ANKFN1: variants seen among roughly 807,000 people sequenced by gnomAD.
The protein encoded by ANKFN1 is ankyrin repeat and fibronectin type-III domain-containing protein 1.
ANKFN1 carries 74 observed loss-of-function variants against 108.7 expected under a neutral mutation model. The ratio of observed to expected loss-of-function variants is 0.68; its 90% CI spans 0.56 to 0.83. The LOEUF is 0.83. Among genes scored for constraint, ANKFN1 ranks in the 40% least tolerant of loss-of-function variants. The pLI, the probability that ANKFN1 is intolerant of heterozygous loss-of-function variation, is 0.00. For synonymous variants in ANKFN1, 547 were observed against 516.2 expected (o/e 1.06, Z -0.81); for missense variants, 1,505 against 1,382.3 (o/e 1.09, Z -1.41).
At position 56,492,051 on chromosome 17, in the gene ANKFN1, T is replaced by C. The variant is rs565958835; in HGVS notation, c.2261-136T>C. 3.7e-4 allele frequency: 219 copies of C among 590,074 alleles called. No homozygotes were observed. In the South Asian group the frequency reaches 4.0e-3, roughly 11 times the overall value. 36.6% of individuals were successfully genotyped at this position (590,074 alleles called of 1,614,324 possible). ...GGCCCCTTAAGAGCACATTTATAAT[T>C]TATTTATGGCTTAATATTTTCCACT... On this transcript the variant is annotated intron_variant, in intron 18 of 20. Coordinates refer to ENST00000682825, the MANE Select transcript of ANKFN1 (RefSeq NM_001370326.1).
At chr17:56,336,516 A>G (rs1403421182) in intron 4 of ANKFN1, among the ~76,000 whole-genome samples, 1 of 152,126 alleles carries the variant, frequency 6.6e-6, no homozygotes, top group Non-Finnish European at 1.5e-5. Context: ...AGAAGCGTTT[A>G]TAGTATTCTC....
At position 56,326,203 on chromosome 17, in the gene ANKFN1, A is replaced by G. The variant is rs1567915250; in HGVS notation, c.54-18A>G. 6.2e-7 allele frequency: 1 copy of G among 1,603,862 alleles called. No individual in the cohort carries two copies. Among genetic ancestry groups the G allele is most frequent in the East Asian group, 2.2e-5 (1 of 44,766 alleles). On this transcript the variant is annotated intron_variant, in intron 3 of 20. Transcript: ENST00000682825. ...TCTTGCCTGTAGTGATCCTGTTCGCATTTTATTCTTTACACAGAATAGGAA... is the reference window on the plus strand; with the variant it reads ...TCTTGCCTGTAGTGATCCTGTTCGCGTTTTATTCTTTACACAGAATAGGAA...
chr17:56,286,758 A>C (rs1459046591), intron 3 of ANKFN1, among the ~76,000 whole-genome samples: 1 of 152,206 alleles, frequency 6.6e-6, no homozygotes, highest in Non-Finnish European at 1.5e-5. Context: ...AAGAGCAAAG[A>C]ACATTCGACT....
intron 4 of ANKFN1, among the ~76,000 whole-genome samples, chr17:56,058,286 T>G (rs1904915121): frequency 6.6e-6 from 1 of 152,230 alleles, no homozygotes; most frequent in Non-Finnish European, 1.5e-5. Context: ...GGCTGTTTCA[T>G]CTGCATGGAA....
intron 14 of ANKFN1, among the ~76,000 whole-genome samples, chr17:56,461,679 A>G (rs2049907885): frequency 6.6e-6 from 1 of 152,104 alleles, no homozygotes; most frequent in Admixed American, 6.6e-5. Context: ...TATTACTTGT[A>G]TTATTATCTG....
At chr17:56,463,451 G>A (rs771710817) in intron 14 of ANKFN1, among the ~76,000 whole-genome samples, 1 of 152,056 alleles carries the variant, frequency 6.6e-6, no homozygotes, top group Non-Finnish European at 1.5e-5. Context: ...AAAAGAAAAA[G>A]AAGTCTATTC....
intron 3 of ANKFN1, among the ~76,000 whole-genome samples, chr17:56,272,289 A>G (rs1326877142): frequency 1.3e-5 from 2 of 152,218 alleles, no homozygotes; most frequent in Admixed American, 6.5e-5. Flanking sequence ...GTCTATATAC[A>G]TTAAACAACA....
chr17:56,266,234 C>T (rs1220165037), intron 3 of ANKFN1, among the ~76,000 whole-genome samples: 2 of 152,184 alleles, frequency 1.3e-5, no homozygotes, highest in Non-Finnish European at 2.9e-5. Flanking sequence ...AGGTAGGCCT[C>T]ATTGCACGAG....
Position 56,144,185 on chromosome 17 carries a change from A to AACT in ANKFN1, c.289-83732_289-83731insACT, listed in dbSNP as rs1555600058. 1.9e-4 allele frequency among the ~76,000 whole-genome samples: 19 copies of AACT among 99,236 alleles called. 4 individuals carry two copies. The highest frequency in any genetic ancestry group is 1.4e-3 in the East Asian group (4 of 2,836). The allele number at this position is 99,236 out of a possible 152,430, so 65.1% of individuals were successfully genotyped here. A position where few individuals can be genotyped will look rare whatever the true frequency, so the allele number is the denominator to read the frequency against. On this transcript the variant is annotated intron_variant, in intron 4 of 12. Coordinates refer to the ANKFN1 transcript ENST00000635860. Reference sequence around the variant, plus strand: ...AAAAAAAAAAAAAAAAAAAAAAAAAACAGCCCAAACCAAATGAATGCAGAG... The same window carrying AACT: ...AAAAAAAAAAAAAAAAAAAAAAAAAAACTCAGCCCAAACCAAATGAATGCAGAG...
At position 56,134,169 on chromosome 17, in the gene ANKFN1, T is replaced by C. The variant is rs376009629; in HGVS notation, c.288+87844T>C. On this transcript the variant is annotated intron_variant, in intron 4 of 12. Coordinates refer to the ANKFN1 transcript ENST00000635860. ...TAAAGGATATAATAAAGAATATAGA[T>C]GAACAGGCAGGTGGGAGAGATATGT... Among the ~76,000 whole-genome samples the C allele has an allele frequency of 4.6e-5, 7 of 152,226 alleles. No homozygotes were observed. The South Asian group carries it at 1.5e-3, about 32-fold the overall frequency.
rs1386777162 is a variant in ANKFN1 at position 56,444,161 on chromosome 17, A to G, written c.1099+1228A>G. ...TAAAGTATGATATATCTATCTTTAT[A>G]TCAGTAACTACAAATAAAACACAAT... On this transcript the variant is annotated intron_variant, in intron 10 of 20. Transcript: ENST00000682825. Among the ~76,000 whole-genome samples, 4 of 152,040 alleles carry G rather than the reference A, an allele frequency of 2.6e-5. No homozygotes were observed. In the South Asian group the frequency reaches 8.3e-4, roughly 31 times the overall value.
At chr17:56,252,752 T>A (rs2043264461) in intron 3 of ANKFN1, among the ~76,000 whole-genome samples, 1 of 150,244 alleles carries the variant, frequency 6.7e-6, no homozygotes, top group African/African-American at 2.5e-5. Context: ...ACTTACAGTA[T>A]AATAAGATAA....
intron 4 of ANKFN1, among the ~76,000 whole-genome samples, chr17:56,138,138 G>C (rs1477050315): frequency 6.6e-6 from 1 of 152,124 alleles, no homozygotes; most frequent in Non-Finnish European, 1.5e-5. Flanking sequence ...AGTGAATGAG[G>C]ACTTCTAAAT....
chr17:56,334,368 C>T (rs939437976), intron 4 of ANKFN1, among the ~76,000 whole-genome samples: 11 of 151,940 alleles, frequency 7.2e-5, no homozygotes, highest in Non-Finnish European at 1.6e-4. Flanking sequence ...CACAAAGAAA[C>T]TTTTAAGGAT....
chr17:56,418,185 A>G (rs1445364674), intron 8 of ANKFN1, among the ~76,000 whole-genome samples: 4 of 152,192 alleles, frequency 2.6e-5, no homozygotes, highest in African/African-American at 4.8e-5. Context: ...CCACATTTAA[A>G]TAATCGAAAC....
At chr17:56,360,252 C>T (rs2046481854) in intron 6 of ANKFN1, among the ~76,000 whole-genome samples, 1 of 152,172 alleles carries the variant, frequency 6.6e-6, no homozygotes, top group African/African-American at 2.4e-5. Context: ...TGTAACATGC[C>T]AGGCTATCTT....
At chr17:56,226,074 C>T (rs1916243417) in intron 2 of ANKFN1, among the ~76,000 whole-genome samples, 1 of 152,108 alleles carries the variant, frequency 6.6e-6, no homozygotes, top group Non-Finnish European at 1.5e-5. Flanking sequence ...GAAGGGTACA[C>T]AATTTCAGAA....
chr17:56,380,008 A>G (rs1183138919), intron 8 of ANKFN1, among the ~76,000 whole-genome samples: 1 of 152,232 alleles, frequency 6.6e-6, no homozygotes, highest in East Asian at 1.9e-4. Context: ...AATGAATTTT[A>G]GAATTGGCCT....
chr17:56,176,525 T>C (rs1338800650), intron 1 of ANKFN1, among the ~76,000 whole-genome samples: 2 of 152,222 alleles, frequency 1.3e-5, no homozygotes, highest in African/African-American at 4.8e-5. Context: ...ACTCCATTTA[T>C]AGCAAAGCAG....
Sources: gnomAD v4.1 joint callset for allele counts (sites outside exome capture counted in the v4.1 genomes callset) on GRCh38, gnomAD v4.1.1 for gene constraint, MANE v1.5 for transcripts, NCBI Gene and HGNC (gene_info 2026-07-23, HGNC 2026-07-21) for gene names.